The following SDK1 variants were observed in gnomAD, a reference collection of about 807,000 sequenced individuals.
SDK1 encodes the protein sidekick cell adhesion molecule 1.
Under a neutral mutation model 245.5 loss-of-function variants are expected in SDK1, and 157 were observed. The observed-to-expected ratio is 0.64, with a 90% confidence interval of 0.56 to 0.73. The LOEUF (loss-of-function observed/expected upper bound fraction) is 0.73, where lower values mean the gene tolerates loss of function less well. Ranked by LOEUF, SDK1 falls within the 30% of genes least tolerant of loss-of-function variation. SDK1 has a pLI of 0.00. For missense variants in SDK1, 3,583 were observed against 3,002.3 expected, an observed-to-expected ratio of 1.19 and a Z score of -4.52; for synonymous variants, 1,647 against 1,278.5, an observed-to-expected ratio of 1.29 and a Z score of -6.15.
At chr7:3,692,341 T>C (rs897403233) in intron 4 of SDK1, among the ~76,000 whole-genome samples, 7 of 152,098 alleles carry the variant, frequency 4.6e-5, no homozygotes, top group East Asian at 1.9e-4. Flanking sequence ...CACTTTTCTT[T>C]AGTGTGTATA....
chr7:4,229,058 T>C (rs111391549), intron 40 of SDK1, among the ~76,000 whole-genome samples: 1 of 152,204 alleles, frequency 6.6e-6, no homozygotes. Flanking sequence ...CATGGAAAAA[T>C]TGGTTGCATA....
chr7:3,843,895 T>C (rs1780216540), intron 5 of SDK1, among the ~76,000 whole-genome samples: 1 of 152,210 alleles, frequency 6.6e-6, no homozygotes, highest in African/African-American at 2.4e-5. Flanking sequence ...AGGTTTATGG[T>C]AATATTATGT....
intron 1 of SDK1, among the ~76,000 whole-genome samples, chr7:3,428,184 G>T (rs768315435): frequency 6.6e-6 from 1 of 152,188 alleles, no homozygotes. Flanking sequence ...GACGTGATTG[G>T]TCATGGATCA....
intron 22 of SDK1, among the ~76,000 whole-genome samples, chr7:4,091,383 C>T (rs1781793008): frequency 7.3e-6 from 1 of 137,378 alleles, no homozygotes; most frequent in Non-Finnish European, 1.5e-5. Flanking sequence ...CACTCTGTCA[C>T]CCAGGCTGGA....
chr7:3,913,458 T>G (rs1243341155), intron 5 of SDK1, among the ~76,000 whole-genome samples: 1 of 152,140 alleles, frequency 6.6e-6, no homozygotes, highest in Non-Finnish European at 1.5e-5. Context: ...AACGCCCAGC[T>G]AATTTTTTGT....
At chr7:3,557,055 AAAG>A (rs1472319507) in intron 1 of SDK1, among the ~76,000 whole-genome samples, 1 of 151,952 alleles carries the variant, frequency 6.6e-6, no homozygotes, top group African/African-American at 2.4e-5. Flanking sequence ...GAAATTAGGA[AAAG>A]AAGAGCAAAA....
chr7:3,797,466 C>T (rs1583423528), intron 4 of SDK1, among the ~76,000 whole-genome samples: 2 of 105,802 alleles, frequency 1.9e-5, no homozygotes, highest in African/African-American at 7.2e-5. Flanking sequence ...TATACACACA[C>T]ACACACACAC....
intron 1 of SDK1, among the ~76,000 whole-genome samples, chr7:3,517,309 T>C (rs1782785470): frequency 6.6e-6 from 1 of 152,180 alleles, no homozygotes; most frequent in African/African-American, 2.4e-5. Flanking sequence ...GTTTAATCTG[T>C]TTTCATGTTG....
intron 4 of SDK1, among the ~76,000 whole-genome samples, chr7:3,813,201 G>A (rs905454872): frequency 3.4e-5 from 5 of 148,194 alleles, no homozygotes; most frequent in Non-Finnish European, 7.5e-5. Context: ...ATGCTGGTGC[G>A]CTGCACCCAC....
intron 2 of SDK1, among the ~76,000 whole-genome samples, chr7:3,622,611 G>A (rs533330593): frequency 1.3e-5 from 2 of 152,332 alleles, no homozygotes; most frequent in South Asian, 4.1e-4. Context: ...GCAGGAAGAG[G>A]TGGAACACTC....
At chr7:3,946,094 G>A (rs1036087836) in intron 5 of SDK1, among the ~76,000 whole-genome samples, 4 of 150,188 alleles carry the variant, frequency 2.7e-5, no homozygotes, top group African/African-American at 4.9e-5. Context: ...AGGAACTAAC[G>A]CTATCAGGTA....
At chr7:3,594,014 T>C (rs1174302146) in intron 1 of SDK1, among the ~76,000 whole-genome samples, 1 of 152,194 alleles carries the variant, frequency 6.6e-6, no homozygotes, top group Middle Eastern at 3.2e-3. Context: ...ATTTTTAACA[T>C]GTTTAGGGAG....
At chr7:3,776,718 T>TC (rs1173409388) in intron 4 of SDK1, among the ~76,000 whole-genome samples, 1 of 151,906 alleles carries the variant, frequency 6.6e-6, no homozygotes, top group Non-Finnish European at 1.5e-5. Flanking sequence ...TTTTTTTTTT[T>TC]CTGGAAGAAA....
intron 17 of SDK1, among the ~76,000 whole-genome samples, chr7:4,019,271 G>T (rs534693299): frequency 2.0e-5 from 3 of 152,186 alleles, no homozygotes; most frequent in African/African-American, 4.8e-5. Context: ...GAATTTAGTT[G>T]GTCAGAAATC....
At position 3,967,396 on chromosome 7, in the gene SDK1, T is replaced by C. The variant is rs375939533; in HGVS notation, c.1508T>C (p.Val503Ala). The C allele has an allele frequency of 1.2e-6, 2 of 1,614,016 alleles. No individual in the cohort carries two copies. Among genetic ancestry groups the C allele is most frequent in the Non-Finnish European group, 1.7e-6 (2 of 1,179,964 alleles). ...DGMTAILRCE[V>A]SGAPKPAITW... ...ATGACAGCCATTCTAAGGTGTGAGG[T>C]GTCCGGGGCTCCCAAACCCGCCATC... The change falls in exon 10 of 45, where the codon GTG becomes GCG. Residue 503 changes from valine (V) to alanine (A), a missense_variant. Coordinates refer to ENST00000404826, the MANE Select transcript of SDK1 (RefSeq NM_152744.4).
intron 4 of SDK1, among the ~76,000 whole-genome samples, chr7:3,658,068 C>T (rs564402468): frequency 3.3e-5 from 5 of 152,286 alleles, no homozygotes; most frequent in East Asian, 1.9e-4. Flanking sequence ...TGCCCGACTT[C>T]GGTGGGGCTC....
At chr7:3,567,902 C>T (rs1320199428) in intron 1 of SDK1, among the ~76,000 whole-genome samples, 3 of 152,200 alleles carry the variant, frequency 2.0e-5, no homozygotes, top group Non-Finnish European at 2.9e-5. Flanking sequence ...GCCTCGAACT[C>T]GTGGGCCCAA....
At chr7:3,394,057 A>G (rs1369060380) in intron 1 of SDK1, among the ~76,000 whole-genome samples, 1 of 152,170 alleles carries the variant, frequency 6.6e-6, no homozygotes, top group Non-Finnish European at 1.5e-5. Flanking sequence ...AAGGCCAGTA[A>G]CACTGGTTCT....
At chr7:3,590,673 A>T (rs949532800) in intron 1 of SDK1, among the ~76,000 whole-genome samples, 10 of 152,056 alleles carry the variant, frequency 6.6e-5, no homozygotes, top group African/African-American at 2.4e-4. Context: ...TCTCATCCTT[A>T]GCTGCGCATT....
Sources: gnomAD v4.1 joint callset for allele counts (sites outside exome capture counted in the v4.1 genomes callset) on GRCh38, gnomAD v4.1.1 for gene constraint, MANE v1.5 for transcripts, NCBI Gene and HGNC (gene_info 2026-07-23, HGNC 2026-07-21) for gene names.